BANF2: variants seen among roughly 807,000 people sequenced by gnomAD.
BANF2 encodes the protein barrier-to-autointegration factor-like protein.
In BANF2, 4 loss-of-function variants were observed where a neutral mutation model predicts 8.0. The observed-to-expected ratio is 0.50, with a 90% confidence interval of 0.25 to 1.14. The LOEUF (loss-of-function observed/expected upper bound fraction) is 1.14. Ranked by LOEUF, BANF2 falls within the 50% of genes most tolerant of loss-of-function variation. BANF2 has a pLI of 0.16. For synonymous variants in BANF2, 50 were observed against 40.6 expected, an observed-to-expected ratio of 1.23 and a Z score of -0.88; for missense variants, 96 against 107.5, an observed-to-expected ratio of 0.89 and a Z score of 0.47.
chr20:17,722,406 A>G (rs2296902), intron 1 of BANF2, among the ~76,000 whole-genome samples: 47,387 of 152,072 alleles, frequency 0.31, 7,796 homozygotes, highest in African/African-American at 0.41. Context: ...CAGCAAAGGC[A>G]GAGCGGCTCA....
At chr20:17,719,766 G>T (rs2122617696) in intron 1 of BANF2, among the ~76,000 whole-genome samples, 1 of 152,054 alleles carries the variant, frequency 6.6e-6, no homozygotes, top group African/African-American at 2.4e-5. Flanking sequence ...AGCCATTGGG[G>T]TCATAGTTGT....
At chr20:17,733,853 T>C (rs906064077) in intron 3 of BANF2, among the ~76,000 whole-genome samples, 25 of 152,224 alleles carry the variant, frequency 1.6e-4, no homozygotes, top group Admixed American at 4.6e-4. Context: ...GATTCAGCTT[T>C]TATTTGATTT....
intron 2 of BANF2, among the ~76,000 whole-genome samples, chr20:17,723,575 A>C (rs2037762090): frequency 6.6e-6 from 1 of 152,238 alleles, no homozygotes; most frequent in Non-Finnish European, 1.5e-5. Context: ...TACTTTCATC[A>C]TAAACTGTCC....
chr20:17,722,900 G>C (rs1406511615), intron 2 of BANF2, 22 bp downstream of exon 2: 19 of 981,038 alleles, frequency 1.9e-5, no homozygotes, highest in Non-Finnish European at 2.3e-5. Context: ...GATGGGGACA[G>C]GAGAGGGGAT....
intron 1 of BANF2, among the ~76,000 whole-genome samples, chr20:17,693,949 C>A (rs2037320712): frequency 6.6e-6 from 1 of 152,264 alleles, no homozygotes; most frequent in Non-Finnish European, 1.5e-5. Context: ...AGATCTATGG[C>A]CGACGGGCAC....
At position 17,716,390 on chromosome 20, in the gene BANF2, T is replaced by G. The variant is rs576037415; in HGVS notation, c.-166-6326T>G. 5.5e-4 allele frequency among the ~76,000 whole-genome samples: 84 copies of G among 152,068 alleles called. No individual in the cohort carries two copies. The East Asian group carries it at 0.014, about 25-fold the overall frequency. ...GGGTCTCCCCTAGGCTGGAGTGCAGTGGTACGACCACGGCTCACTGCAGCC... is the reference window on the plus strand; with the variant it reads ...GGGTCTCCCCTAGGCTGGAGTGCAGGGGTACGACCACGGCTCACTGCAGCC... On this transcript the variant is annotated intron_variant, in intron 1 of 3. Transcript: ENST00000246090.
intron 1 of BANF2, among the ~76,000 whole-genome samples, chr20:17,720,836 A>C (rs1030640034): frequency 6.6e-6 from 1 of 152,226 alleles, no homozygotes; most frequent in Admixed American, 6.5e-5. Flanking sequence ...CAATAACATA[A>C]AAAGAGTAAG....
intron 1 of BANF2, among the ~76,000 whole-genome samples, chr20:17,714,699 A>C (rs1431504597): frequency 6.6e-6 from 1 of 152,186 alleles, no homozygotes. Context: ...AAAAATGGGC[A>C]ATGTGATGCC....
intron 1 of BANF2, among the ~76,000 whole-genome samples, chr20:17,706,734 C>G (rs1249717365): frequency 6.6e-6 from 1 of 152,170 alleles, no homozygotes; most frequent in Non-Finnish European, 1.5e-5. Context: ...CTTTTCACTG[C>G]CACTAAGAGA....
upstream of BANF2, among the ~76,000 whole-genome samples, chr20:17,694,991 A>G (rs2037334128): frequency 2.6e-5 from 4 of 152,072 alleles, no homozygotes; most frequent in South Asian, 8.3e-4. Context: ...AGATAAGAAA[A>G]CTGAGGCTCA....
chr20:17,719,687 TAAA>T (rs34906896), intron 1 of BANF2, among the ~76,000 whole-genome samples: 19 of 141,834 alleles, frequency 1.3e-4, no homozygotes, highest in African/African-American at 2.1e-4. Context: ...TTTTTTTAAT[TAAA>T]AAAAAAAAAA....
intron 1 of BANF2, among the ~76,000 whole-genome samples, chr20:17,719,485 T>C (rs970276405): frequency 6.6e-6 from 1 of 151,914 alleles, no homozygotes; most frequent in Non-Finnish European, 1.5e-5. Context: ...GGTTTTCTTA[T>C]GGGAGAAATT....
intron 1 of BANF2, among the ~76,000 whole-genome samples, chr20:17,706,886 A>G (rs1411346939): frequency 6.6e-6 from 1 of 152,190 alleles, no homozygotes; most frequent in Admixed American, 6.5e-5. Context: ...AAGTCCATGC[A>G]GGCAAGTAGA....
At chr20:17,732,812 C>T (rs765444920) in intron 3 of BANF2, among the ~76,000 whole-genome samples, 1 of 152,174 alleles carries the variant, frequency 6.6e-6, no homozygotes, top group Non-Finnish European at 1.5e-5. Context: ...TTCTGGGGAG[C>T]TCTGGCCCAA....
At chr20:17,700,165 G>C in intron 1 of BANF2, 110 bp downstream of exon 1, 1 of 251,312 alleles carries the variant, frequency 4.0e-6, no homozygotes, top group Non-Finnish European at 6.3e-6. Flanking sequence ...AGCCAAACCG[G>C]TGGACAGGAG....
intron 1 of BANF2, among the ~76,000 whole-genome samples, chr20:17,721,722 C>T (rs6111634): frequency 0.14 from 20,956 of 152,090 alleles, 1,527 homozygotes; most frequent in Middle Eastern, 0.29. Flanking sequence ...GGAATAGGAC[C>T]CAAGCAAATT....
intron 1 of BANF2, 82 bp downstream of exon 1, chr20:17,700,137 C>T (rs909258071): frequency 3.9e-6 from 2 of 515,584 alleles, no homozygotes; most frequent in Admixed American, 1.3e-4. Flanking sequence ...AGGTCTCATT[C>T]TCACACAGGT....
upstream of BANF2, among the ~76,000 whole-genome samples, chr20:17,697,596 A>G (rs1195553655): frequency 1.3e-5 from 2 of 152,224 alleles, no homozygotes; most frequent in Non-Finnish European, 1.5e-5. Context: ...TTCCCCCTGA[A>G]GCAGACCCTG....
chr20:17,708,161 A>C (rs1308341539), intron 1 of BANF2, among the ~76,000 whole-genome samples: 1 of 151,896 alleles, frequency 6.6e-6, no homozygotes, highest in Non-Finnish European at 1.5e-5. Flanking sequence ...CAGGATGCAG[A>C]GGTTGTGGTG....
Sources: gnomAD v4.1 joint callset for allele counts (sites outside exome capture counted in the v4.1 genomes callset) on GRCh38, gnomAD v4.1.1 for gene constraint, MANE v1.5 for transcripts, NCBI Gene and HGNC (gene_info 2026-07-23, HGNC 2026-07-21) for gene names.